RPTOR: variants seen among roughly 807,000 people sequenced by gnomAD.
RPTOR encodes regulatory associated protein of MTOR complex 1, also known as regulatory-associated protein of mTOR.
RPTOR carries 21 observed loss-of-function variants against 169.9 expected under a neutral mutation model. That is an observed-to-expected ratio of 0.12 (90% CI 0.09 to 0.18). The LOEUF is 0.18. RPTOR is among the 10% of genes least tolerant of loss of function. RPTOR has a pLI of 1.00. For missense variants in RPTOR, 1,133 were observed against 1,855.9 expected, an observed-to-expected ratio of 0.61 and a Z score of 7.16; for synonymous variants, 732 against 753.2, an observed-to-expected ratio of 0.97 and a Z score of 0.46.
intron 4 of RPTOR, among the ~76,000 whole-genome samples, chr17:80,715,507 A>G (rs1013613297): frequency 8.6e-5 from 13 of 151,684 alleles, no homozygotes; most frequent in African/African-American, 3.1e-4. Context: ...CTCTTAAGAT[A>G]GTGTCTGTTA....
chr17:80,575,634 G>A (rs1214500916), intron 1 of RPTOR, among the ~76,000 whole-genome samples: 1 of 152,184 alleles, frequency 6.6e-6, no homozygotes, highest in African/African-American at 2.4e-5. Context: ...AGGCCCGTGC[G>A]TGGTCAGTTT....
chr17:80,614,490 G>A (rs2065294259), intron 1 of RPTOR, among the ~76,000 whole-genome samples: 1 of 152,240 alleles, frequency 6.6e-6, no homozygotes, highest in African/African-American at 2.4e-5. Context: ...TGCCTTTGCA[G>A]GCCTGTGTCT....
chr17:80,789,544 G>A (rs2067026647), intron 6 of RPTOR, among the ~76,000 whole-genome samples: 1 of 152,196 alleles, frequency 6.6e-6, no homozygotes, highest in Non-Finnish European at 1.5e-5. Flanking sequence ...CTGTGTGCGT[G>A]CCCTTCAGGA....
intron 24 of RPTOR, among the ~76,000 whole-genome samples, chr17:80,927,294 G>C (rs1045393484): frequency 6.6e-6 from 1 of 152,186 alleles, no homozygotes; most frequent in Non-Finnish European, 1.5e-5. Flanking sequence ...AGGCAGACAA[G>C]GTCAGGCGAC....
At chr17:80,910,486 A>G (rs1221154341) in intron 21 of RPTOR, among the ~76,000 whole-genome samples, 2 of 152,226 alleles carry the variant, frequency 1.3e-5, no homozygotes, top group South Asian at 2.1e-4. Context: ...GAATGCAGGG[A>G]AAGGCCACAC....
chr17:80,677,933 G>C (rs74000895), intron 3 of RPTOR, among the ~76,000 whole-genome samples: 2,438 of 152,302 alleles, frequency 0.016, 70 homozygotes, highest in African/African-American at 0.056. Context: ...AAGGGATGGG[G>C]ACTTCCAGGT....
At chr17:80,839,664 G>C (rs2067605755) in intron 10 of RPTOR, among the ~76,000 whole-genome samples, 1 of 152,216 alleles carries the variant, frequency 6.6e-6, no homozygotes, top group African/African-American at 2.4e-5. Context: ...CAGAGTGCCT[G>C]CGCTTTTCCG....
intron 24 of RPTOR, chr17:80,940,280 T>C (rs1383152694): frequency 2.0e-6 from 1 of 504,702 alleles, no homozygotes. Context: ...TTACACAGCG[T>C]TGACACTGTG....
intron 2 of RPTOR, among the ~76,000 whole-genome samples, chr17:80,636,057 G>A (rs184348227): frequency 7.2e-5 from 11 of 152,274 alleles, no homozygotes; most frequent in East Asian, 1.9e-4. Flanking sequence ...ACTAGAAATC[G>A]AGATTTTTGT....
chr17:80,955,150 T>C (rs1263903467), intron 28 of RPTOR, among the ~76,000 whole-genome samples: 2 of 152,248 alleles, frequency 1.3e-5, no homozygotes, highest in Non-Finnish European at 2.9e-5. Context: ...TAATACACTT[T>C]TGATTATATT....
intron 10 of RPTOR, among the ~76,000 whole-genome samples, chr17:80,842,003 G>A (rs938023840): frequency 4.0e-5 from 6 of 151,244 alleles, no homozygotes; most frequent in Non-Finnish European, 5.9e-5. Context: ...TCACCCCACC[G>A]CAGCTCACTC....
chr17:80,618,242 C>T lies in RPTOR; in HGVS notation c.163-7449C>T, dbSNP rs574100462. 2.2e-3 allele frequency among the ~76,000 whole-genome samples: 342 copies of T among 152,330 alleles called. 2 individuals carry two copies. The highest frequency in any genetic ancestry group is 8.0e-3 in the African/African-American group (331 of 41,560). On this transcript the variant is annotated intron_variant, in intron 1 of 33. Transcript: ENST00000306801. ...CCTCAGGTGATCCGCCAGGCTTGGC[C>T]TCCCAAAGTGCTGGGATGACAGGCG...
rs952929862 is a variant in RPTOR at position 80,646,141 on chromosome 17, G to T, written c.348+2331G>T. 2.0e-5 allele frequency among the ~76,000 whole-genome samples: 3 copies of T among 152,170 alleles called. No homozygotes were observed. The highest frequency in any genetic ancestry group is 7.2e-5 in the African/African-American group (3 of 41,430). ...GAAGCTGTTCTTGCACACAGAGTGG[G>T]ATCTTTTGTCCCCATTCAGGAAGCA... On this transcript the variant is annotated intron_variant, in intron 3 of 33. Coordinates refer to ENST00000306801, the MANE Select transcript of RPTOR (RefSeq NM_020761.3). This position sits in a 1 kb window ranked among gnomAD's most constrained non-coding sequence, Gnocchi z 5.0.
intron 2 of RPTOR, among the ~76,000 whole-genome samples, 161 bp downstream of exon 2, chr17:80,625,954 G>T (rs1011811701): frequency 6.6e-6 from 1 of 152,200 alleles, no homozygotes; most frequent in Non-Finnish European, 1.5e-5. Flanking sequence ...AGTAATTTCC[G>T]ATGCGCTCAC....
At chr17:80,685,627 A>ATATTTTTTT (rs1269766086) in intron 3 of RPTOR, among the ~76,000 whole-genome samples, 5 of 30,680 alleles carry the variant, frequency 1.6e-4, no homozygotes, top group Non-Finnish European at 2.1e-4. Context: ...ATATATATAT[A>ATATTTTTTT]TTTTTTTTTT....
intron 20 of RPTOR, among the ~76,000 whole-genome samples, chr17:80,906,650 C>T (rs1026211469): frequency 1.4e-4 from 21 of 152,224 alleles, no homozygotes; most frequent in African/African-American, 5.1e-4. Context: ...GCTGTAAACT[C>T]GCCCTGTGAG....
intron 2 of RPTOR, among the ~76,000 whole-genome samples, chr17:80,637,331 T>C (rs890456264): frequency 6.6e-6 from 1 of 152,146 alleles, no homozygotes; most frequent in Admixed American, 6.5e-5. Context: ...AGTCAGCTCG[T>C]GAGAAATGGG....
chr17:80,682,665 A>C (rs1277910885), intron 3 of RPTOR, among the ~76,000 whole-genome samples: 3 of 152,254 alleles, frequency 2.0e-5, no homozygotes, highest in Non-Finnish European at 2.9e-5. Flanking sequence ...CTGCTGACTT[A>C]GTGATTTTGC....
At chr17:80,790,582 C>T (rs772751900) in intron 6 of RPTOR, among the ~76,000 whole-genome samples, 1 of 152,168 alleles carries the variant, frequency 6.6e-6, no homozygotes, top group Non-Finnish European at 1.5e-5. Context: ...ACGTCTCCCC[C>T]GAACGTGCCT....
Sources: allele counts gnomAD v4.1 joint callset (sites outside exome capture counted in the v4.1 genomes callset), GRCh38; gene constraint gnomAD v4.1.1; non-coding constraint Gnocchi (gnomAD v3.1); transcripts MANE v1.5; gene names NCBI Gene and HGNC (gene_info 2026-07-23, HGNC 2026-07-21).